Variants in PCDH15 observed in about 807,000 individuals in gnomAD.
PCDH15 encodes the protein protocadherin-15.
In PCDH15, 129 loss-of-function variants were observed where a neutral mutation model predicts 178.5. The ratio of observed to expected loss-of-function variants is 0.72; its 90% confidence interval spans 0.63 to 0.84. The LOEUF (loss-of-function observed/expected upper bound fraction) is 0.84. Among genes scored for constraint, PCDH15 ranks in the 40% least tolerant of loss-of-function variants. PCDH15 has a pLI of 0.00. For synonymous variants in PCDH15, 800 were observed against 732.0 expected (o/e 1.09, Z -1.50); for missense variants, 2,230 against 2,099.9 (o/e 1.06, Z -1.21).
chr10:54,968,703 T>C (rs369970679), intron 2 of PCDH15, among the ~76,000 whole-genome samples: 137 of 152,264 alleles, frequency 9.0e-4, no homozygotes, highest in African/African-American at 3.2e-3. Context: ...TTTGCAGCCA[T>C]TGTGTCATAA....
intron 3 of PCDH15, among the ~76,000 whole-genome samples, chr10:54,479,799 A>G (rs760720930): frequency 1.3e-5 from 2 of 152,102 alleles, no homozygotes; most frequent in African/African-American, 2.4e-5. Context: ...GTTAAATTAT[A>G]TAAACATATA....
intron 2 of PCDH15, among the ~76,000 whole-genome samples, chr10:54,899,813 T>C (rs915473661): frequency 3.3e-5 from 5 of 151,776 alleles, no homozygotes; most frequent in Admixed American, 6.6e-5. Flanking sequence ...TATCTTTCTA[T>C]TTGTATTACT....
At chr10:54,294,816 C>T (rs1180995227) in intron 8 of PCDH15, among the ~76,000 whole-genome samples, 1 of 152,150 alleles carries the variant, frequency 6.6e-6, no homozygotes, top group Non-Finnish European at 1.5e-5. Context: ...TAATTTAACT[C>T]ATATTATTTT....
At chr10:54,898,043 A>C (rs1346360189) in intron 2 of PCDH15, among the ~76,000 whole-genome samples, 2 of 152,128 alleles carry the variant, frequency 1.3e-5, no homozygotes. Context: ...TATTTGAGTC[A>C]TGAGGGCAGA....
At chr10:54,059,126 T>A (rs1340252718) in intron 18 of PCDH15, among the ~76,000 whole-genome samples, 1 of 152,228 alleles carries the variant, frequency 6.6e-6, no homozygotes, top group Non-Finnish European at 1.5e-5. Flanking sequence ...CTTTTTCAGC[T>A]CCAGCCTATG....
At chr10:55,252,633 G>A (rs1592022527) in intron 1 of PCDH15, among the ~76,000 whole-genome samples, 1 of 151,964 alleles carries the variant, frequency 6.6e-6, no homozygotes, top group Non-Finnish European at 1.5e-5. Flanking sequence ...TCACGTTGAG[G>A]AGTCTAAAAT....
Position 53,912,741 on chromosome 10 carries a change from G to A in PCDH15, c.3374-9371C>T, listed in dbSNP as rs191705807. Among the ~76,000 whole-genome samples the A allele has an allele frequency of 3.4e-3, 521 of 152,236 alleles. 1 individual carries two copies. The highest frequency in any genetic ancestry group is 0.012 in the African/African-American group (505 of 41,544). ...TAGGAATCCAACTTACAAGGGATGCGAAGGACCTCTTCAAGGAGAACTACA... is the reference window on the plus strand; with the variant it reads ...TAGGAATCCAACTTACAAGGGATGCAAAGGACCTCTTCAAGGAGAACTACA... On this transcript the variant is annotated intron_variant, in intron 25 of 37. Transcript: ENST00000644397.
chr10:54,620,511 A>T (rs2093321389), intron 2 of PCDH15, among the ~76,000 whole-genome samples: 1 of 152,056 alleles, frequency 6.6e-6, no homozygotes. Flanking sequence ...TCTTTACTGA[A>T]GGTCAAGGAT....
chr10:55,045,119 G>T (rs747875986), intron 2 of PCDH15, among the ~76,000 whole-genome samples: 5 of 151,884 alleles, frequency 3.3e-5, no homozygotes, highest in African/African-American at 4.8e-5. Context: ...ACCAAATATT[G>T]TCTTACTAAA....
At chr10:55,316,326 A>C (rs1843721322) in intron 1 of PCDH15, among the ~76,000 whole-genome samples, 2 of 152,150 alleles carry the variant, frequency 1.3e-5, no homozygotes, top group South Asian at 4.1e-4. Context: ...TAGATTAATA[A>C]ATTATTTTAA....
At chr10:55,221,711 T>C (rs895013789) in intron 1 of PCDH15, among the ~76,000 whole-genome samples, 3 of 152,094 alleles carry the variant, frequency 2.0e-5, no homozygotes, top group Non-Finnish European at 2.9e-5. Context: ...CAGTGACACA[T>C]GTATGCACGT....
At chr10:54,126,070 C>G (rs950971525) in intron 15 of PCDH15, among the ~76,000 whole-genome samples, 1 of 127,164 alleles carries the variant, frequency 7.9e-6, no homozygotes. Context: ...AAAAGAATTA[C>G]CATTTTTTTT....
At chr10:54,161,556 T>C (rs11004107) in intron 13 of PCDH15, among the ~76,000 whole-genome samples, 30,242 of 151,772 alleles carry the variant, frequency 0.2, 4,260 homozygotes, top group East Asian at 0.81. Context: ...TGATGTTTAC[T>C]GGTCTTTGAA....
intron 2 of PCDH15, among the ~76,000 whole-genome samples, chr10:55,472,632 G>C (rs181811693): frequency 1.3e-5 from 2 of 152,036 alleles, no homozygotes; most frequent in Non-Finnish European, 2.9e-5. Context: ...GCAGTGGCGC[G>C]GTCTGCGCTA....
chr10:54,559,518 T>C (rs971863059), intron 2 of PCDH15, among the ~76,000 whole-genome samples: 3 of 152,084 alleles, frequency 2.0e-5, no homozygotes, highest in African/African-American at 4.8e-5. Flanking sequence ...CATTTGTGTA[T>C]GTGGTCTGAT....
upstream of PCDH15, among the ~76,000 whole-genome samples, chr10:55,320,835 G>C (rs770894078): frequency 2.0e-5 from 3 of 152,176 alleles, no homozygotes; most frequent in Non-Finnish European, 2.9e-5. Flanking sequence ...AGATAAGAAA[G>C]AACCAGTGTT....
intron 3 of PCDH15, chr10:54,486,104 CT>C: frequency 1.3e-5 from 2 of 152,034 alleles, no homozygotes; most frequent in Non-Finnish European, 2.9e-5. Flanking sequence ...GCAATAAAGA[CT>C]GTGAAGCCAC....
chr10:54,145,495 T>C (rs2043817992), intron 14 of PCDH15, among the ~76,000 whole-genome samples: 1 of 152,146 alleles, frequency 6.6e-6, no homozygotes, highest in Admixed American at 6.6e-5. Flanking sequence ...TTGTATTCTA[T>C]TATTTTTGAA....
chr10:55,011,743 CAG>C (rs748594929), intron 2 of PCDH15, among the ~76,000 whole-genome samples: 10 of 151,392 alleles, frequency 6.6e-5, no homozygotes, highest in Non-Finnish European at 1.0e-4. Flanking sequence ...AGTGGAAAGA[CAG>C]AATGCAATTT....
Sources: allele counts gnomAD v4.1 joint callset (sites outside exome capture counted in the v4.1 genomes callset), GRCh38; gene constraint gnomAD v4.1.1; transcripts MANE v1.5; gene names NCBI Gene and HGNC (gene_info 2026-07-23, HGNC 2026-07-21).